The following CSMD1 variants were observed in gnomAD, a reference collection of about 807,000 sequenced individuals.
CSMD1 encodes the protein CUB and Sushi multiple domains 1, also known as CUB and sushi domain-containing protein 1.
In CSMD1, 213 loss-of-function variants were observed where a neutral mutation model predicts 417.5. That is an observed-to-expected ratio of 0.51 (90% CI 0.46 to 0.57). The LOEUF (loss-of-function observed/expected upper bound fraction) is 0.57. Among genes scored for constraint, CSMD1 ranks in the 20% least tolerant of loss-of-function variants. The probability of loss-of-function intolerance (pLI) is 0.00; values close to 1 mark genes in which losing one functional copy is unlikely to be tolerated. For missense variants in CSMD1, 6,923 were observed against 4,529.7 expected, an observed-to-expected ratio of 1.53 and a Z score of -15.17; for synonymous variants, 2,862 against 1,736.8, an observed-to-expected ratio of 1.65 and a Z score of -16.11.
At chr8:4,561,004 T>G (rs1288617660) in intron 2 of CSMD1, among the ~76,000 whole-genome samples, 1 of 152,218 alleles carries the variant, frequency 6.6e-6, no homozygotes, top group Non-Finnish European at 1.5e-5. Context: ...TACACAGTGC[T>G]TTGTGTGTAG....
chr8:4,282,873 A>G (rs1563385030), intron 3 of CSMD1, among the ~76,000 whole-genome samples: 1 of 152,318 alleles, frequency 6.6e-6, no homozygotes, highest in Admixed American at 6.5e-5. Flanking sequence ...AAAGATCATA[A>G]TTATATTTTA....
At chr8:3,159,842 A>G (rs1037022169) in intron 38 of CSMD1, among the ~76,000 whole-genome samples, 1 of 152,180 alleles carries the variant, frequency 6.6e-6, no homozygotes, top group Non-Finnish European at 1.5e-5. Flanking sequence ...TTTGGTAAAG[A>G]ATTATTTCTA....
chr8:4,184,197 G>C (rs1021130985), intron 3 of CSMD1, among the ~76,000 whole-genome samples: 1 of 152,306 alleles, frequency 6.6e-6, no homozygotes, highest in African/African-American at 2.4e-5. Context: ...ATCTGTGTCA[G>C]TCTGAGCCTA....
intron 7 of CSMD1, among the ~76,000 whole-genome samples, chr8:3,701,008 C>T (rs1812157): frequency 1.0e-4 from 15 of 150,480 alleles, no homozygotes; most frequent in East Asian, 3.9e-4. Context: ...TTGGGGGTAA[C>T]GAGAAAGGCT....
chr8:4,784,876 A>G (rs1462669343), intron 1 of CSMD1, among the ~76,000 whole-genome samples: 5 of 152,212 alleles, frequency 3.3e-5, no homozygotes, highest in African/African-American at 1.2e-4. Context: ...GCTGAGGTCT[A>G]TTCCAGCCCT....
At chr8:4,626,550 G>C (rs955960982) in intron 2 of CSMD1, among the ~76,000 whole-genome samples, 1 of 152,062 alleles carries the variant, frequency 6.6e-6, no homozygotes, top group Non-Finnish European at 1.5e-5. Flanking sequence ...TTGTAAGAAG[G>C]AGATCAACAA....
intron 2 of CSMD1, among the ~76,000 whole-genome samples, chr8:4,453,216 G>GACACACAC (rs71207090): frequency 2.1e-4 from 32 of 149,214 alleles, no homozygotes; most frequent in South Asian, 8.6e-4. Flanking sequence ...CACACACAGA[G>GACACACAC]ACACACACAC....
intron 3 of CSMD1, among the ~76,000 whole-genome samples, chr8:4,308,985 A>G (rs1383164790): frequency 6.6e-6 from 1 of 152,192 alleles, no homozygotes; most frequent in Non-Finnish European, 1.5e-5. Context: ...ATGTTGAACT[A>G]ATTCCTAAAA....
intron 5 of CSMD1, among the ~76,000 whole-genome samples, chr8:3,899,333 G>C (rs891904568): frequency 2.0e-5 from 3 of 152,192 alleles, no homozygotes; most frequent in African/African-American, 7.2e-5. Flanking sequence ...CTTCAGAGCA[G>C]GTGTGAGTTT....
chr8:4,109,810 T>A (rs1337679651), intron 3 of CSMD1, among the ~76,000 whole-genome samples: 1 of 152,076 alleles, frequency 6.6e-6, no homozygotes, highest in Admixed American at 6.6e-5. Flanking sequence ...ACAAAAAGGG[T>A]GTTACCATAA....
intron 26 of CSMD1, among the ~76,000 whole-genome samples, chr8:3,257,165 C>G (rs558541008): frequency 2.6e-5 from 4 of 152,186 alleles, no homozygotes; most frequent in African/African-American, 9.6e-5. Context: ...CCGCTAAAAA[C>G]ACAAAAATTT....
intron 2 of CSMD1, among the ~76,000 whole-genome samples, chr8:4,594,971 G>A (rs1430627191): frequency 6.6e-6 from 1 of 152,138 alleles, no homozygotes; most frequent in Non-Finnish European, 1.5e-5. Context: ...CATACTTGAT[G>A]CCAAAGAAAT....
At chr8:4,328,552 T>C (rs1049117082) in intron 3 of CSMD1, among the ~76,000 whole-genome samples, 5 of 151,992 alleles carry the variant, frequency 3.3e-5, no homozygotes, top group South Asian at 2.1e-4. Flanking sequence ...ATATACACAC[T>C]ATGTACCCAC....
chr8:4,175,253 C>T (rs906810385), intron 3 of CSMD1, among the ~76,000 whole-genome samples: 1 of 152,018 alleles, frequency 6.6e-6, no homozygotes, highest in Non-Finnish European at 1.5e-5. Flanking sequence ...TTAAATGAAA[C>T]CATTTATATT....
chr8:4,831,374 A>G (rs540471647), intron 1 of CSMD1, among the ~76,000 whole-genome samples: 106 of 152,334 alleles, frequency 7.0e-4, no homozygotes, highest in Non-Finnish European at 1.2e-3. Flanking sequence ...TCTTATGAAT[A>G]AAACAATGAC....
intron 2 of CSMD1, among the ~76,000 whole-genome samples, chr8:4,562,683 G>A (rs1204741941): frequency 6.6e-6 from 1 of 152,080 alleles, no homozygotes; most frequent in Non-Finnish European, 1.5e-5. Context: ...TCACGCCACT[G>A]GTGTTCAGGC....
intron 5 of CSMD1, among the ~76,000 whole-genome samples, chr8:3,924,803 T>C (rs1487930238): frequency 6.6e-6 from 1 of 152,214 alleles, no homozygotes; most frequent in Admixed American, 6.5e-5. Context: ...TGTTATCCTG[T>C]AAGTCACTGA....
intron 3 of CSMD1, among the ~76,000 whole-genome samples, chr8:4,090,177 C>G (rs939208313): frequency 6.6e-6 from 1 of 152,114 alleles, no homozygotes; most frequent in African/African-American, 2.4e-5. Context: ...TTGAGTGTAA[C>G]CTCCACTTTT....
chr8:3,788,108 C>T (rs1365705576), intron 5 of CSMD1, among the ~76,000 whole-genome samples: 1 of 152,112 alleles, frequency 6.6e-6, no homozygotes, highest in Non-Finnish European at 1.5e-5. Flanking sequence ...ACGCTTAGTT[C>T]TAAAATTTTC....
Sources: gnomAD v4.1 joint callset for allele counts (sites outside exome capture counted in the v4.1 genomes callset) on GRCh38, gnomAD v4.1.1 for gene constraint, MANE v1.5 for transcripts, NCBI Gene and HGNC (gene_info 2026-07-23, HGNC 2026-07-21) for gene names.